IL7: variants seen among roughly 807,000 people sequenced by gnomAD.
IL7 encodes interleukin-7.
Under a neutral mutation model 21.6 loss-of-function variants are expected in IL7, and 3 were observed. The ratio of observed to expected loss-of-function variants is 0.14; its 90% CI spans 0.06 to 0.36. IL7 has a LOEUF of 0.36. Ranked by LOEUF, IL7 falls within the 10% of genes least tolerant of loss-of-function variation. IL7 has a pLI of 1.00. For synonymous variants in IL7, 62 were observed against 68.1 expected (o/e 0.91, Z 0.44); for missense variants, 175 against 200.2 (o/e 0.87, Z 0.76).
chr8:78,680,800 C>T (rs1360724402), intron 4 of IL7, among the ~76,000 whole-genome samples: 1 of 152,138 alleles, frequency 6.6e-6, no homozygotes, highest in Non-Finnish European at 1.5e-5. Flanking sequence ...GGGGTTTCCT[C>T]ATCTTAAAAG....
At chr8:78,760,109 T>A in intron 2 of IL7, 1 of 1,490,772 alleles carries the variant, frequency 6.7e-7, no homozygotes, top group Non-Finnish European at 8.9e-7. Flanking sequence ...CTTCCAAATA[T>A]CAAATATAAG....
chr8:78,769,032 C>T (rs1586087468), intron 2 of IL7, among the ~76,000 whole-genome samples: 1 of 152,236 alleles, frequency 6.6e-6, no homozygotes, highest in East Asian at 1.9e-4. Context: ...TGGGACGTAT[C>T]TCAAAATCAT....
At chr8:78,682,739 A>T (rs1306014761) in intron 4 of IL7, among the ~76,000 whole-genome samples, 1 of 152,178 alleles carries the variant, frequency 6.6e-6, no homozygotes, top group African/African-American at 2.4e-5. Context: ...CCAAAGTCTT[A>T]ACTCATTTCA....
chr8:78,772,400 T>C (rs563780023), intron 2 of IL7, among the ~76,000 whole-genome samples: 41 of 152,304 alleles, frequency 2.7e-4, no homozygotes, highest in Middle Eastern at 3.4e-3. Context: ...AAAAAAAATA[T>C]TGAATGTATA....
rs1388809924 is a variant in IL7 at position 78,738,555 on chromosome 8, G to A, written c.309C>T (p.His103=). 3 of 1,613,364 alleles carry A rather than the reference G, an allele frequency of 1.9e-6. No individual in the cohort carries two copies. The highest frequency in any genetic ancestry group is 2.5e-6 in the Non-Finnish European group (3 of 1,179,458). ...KMNSTGDFDL[H]LLKVSEGTTI... ...TTGTGCCTTCTGAAACTTTTAATAAGTGGAGATCAAAATCACCAGTGCTAT... is the reference window on the plus strand; with the variant it reads ...TTGTGCCTTCTGAAACTTTTAATAAATGGAGATCAAAATCACCAGTGCTAT... Residue 103 remains histidine (H), a synonymous_variant, in exon 4 of 6, where the codon CAC becomes CAT. Transcript: ENST00000263851.
chr8:78,712,456 A>G (rs1401109123), intron 3 of IL7, among the ~76,000 whole-genome samples: 1 of 152,132 alleles, frequency 6.6e-6, no homozygotes, highest in East Asian at 1.9e-4. Context: ...GAGAAAAATA[A>G]TGTCTTGTAC....
chr8:78,683,409 G>A (rs1006708894), intron 4 of IL7, among the ~76,000 whole-genome samples: 3 of 152,148 alleles, frequency 2.0e-5, no homozygotes, highest in African/African-American at 7.2e-5. Flanking sequence ...TGCACCTGTG[G>A]GCTCAACACC....
intron 2 of IL7, among the ~76,000 whole-genome samples, chr8:78,777,257 C>A (rs572492044): frequency 6.6e-6 from 1 of 152,046 alleles, no homozygotes; most frequent in East Asian, 1.9e-4. Flanking sequence ...CTATTCAGGC[C>A]TGGGAGTATT....
intron 3 of IL7, among the ~76,000 whole-genome samples, chr8:78,700,310 G>T (rs941074658): frequency 6.6e-6 from 1 of 151,930 alleles, no homozygotes; most frequent in African/African-American, 2.4e-5. Context: ...TTTTTAATGG[G>T]ATTGTTTGTT....
chr8:78,736,808 C>A (rs971088168), intron 4 of IL7, among the ~76,000 whole-genome samples: 11 of 152,136 alleles, frequency 7.2e-5, no homozygotes, highest in African/African-American at 2.4e-4. Flanking sequence ...GAAAAATTAA[C>A]ATAGTAGGGT....
intron 1 of IL7, among the ~76,000 whole-genome samples, chr8:78,799,449 C>T (rs1279235653): frequency 6.6e-6 from 1 of 152,080 alleles, no homozygotes; most frequent in Admixed American, 6.6e-5. Flanking sequence ...AATCTAACTT[C>T]TCATCTGCAT....
Position 78,684,161 on chromosome 8 carries a change from C to T in IL7, n.273+1728G>A, listed in dbSNP as rs531424719. On this transcript the variant is annotated intron_variant and non_coding_transcript_variant, in intron 4 of 4. Transcript: ENST00000523959. ...TACACATTTTGGGGTATCTTAATAG[C>T]AGTACCCCACTCCACCAGTACCAAC... Among the ~76,000 whole-genome samples, 9 of 152,316 alleles carry T rather than the reference C, an allele frequency of 5.9e-5. No individual in the cohort carries two copies. In the South Asian group the frequency reaches 1.9e-3, roughly 32 times the overall value.
intron 3 of IL7, among the ~76,000 whole-genome samples, chr8:78,708,946 A>C (rs1190664894): frequency 6.6e-6 from 1 of 152,134 alleles, no homozygotes; most frequent in Non-Finnish European, 1.5e-5. Context: ...GATTACAGGC[A>C]TGAGCCACCA....
intron 2 of IL7, among the ~76,000 whole-genome samples, chr8:78,744,613 C>T (rs192335875): frequency 3.3e-5 from 5 of 152,296 alleles, no homozygotes; most frequent in Non-Finnish European, 5.9e-5. Context: ...CGCTGCTTGG[C>T]CCACTGGATT....
At chr8:78,696,892 G>A (rs1433610556) in intron 3 of IL7, among the ~76,000 whole-genome samples, 1 of 152,140 alleles carries the variant, frequency 6.6e-6, no homozygotes, top group Middle Eastern at 3.2e-3. Flanking sequence ...CACCATAGCT[G>A]TTTCTAAGTT....
chr8:78,738,943 A>C (rs1811685101), intron 3 of IL7, among the ~76,000 whole-genome samples: 1 of 152,218 alleles, frequency 6.6e-6, no homozygotes, highest in South Asian at 2.1e-4. Context: ...ATTCAATTTT[A>C]AACATGATAA....
downstream of IL7, among the ~76,000 whole-genome samples, chr8:78,716,972 T>C (rs944647227): frequency 6.6e-6 from 1 of 152,116 alleles, no homozygotes; most frequent in Admixed American, 6.5e-5. Flanking sequence ...TCCTGAGGCC[T>C]CCCCAACCAA....
intron 3 of IL7, among the ~76,000 whole-genome samples, chr8:78,722,478 CTA>C (rs1811258754): frequency 1.3e-5 from 2 of 151,852 alleles, no homozygotes; most frequent in African/African-American, 4.8e-5. Context: ...TGTAAGAAAA[CTA>C]TTTTTCTTAT....
At chr8:78,779,519 G>C (rs1813246913) in intron 2 of IL7, among the ~76,000 whole-genome samples, 1 of 152,122 alleles carries the variant, frequency 6.6e-6, no homozygotes, top group Non-Finnish European at 1.5e-5. Context: ...CTTTAGTTCA[G>C]TTTATGTGAT....
Sources: gnomAD v4.1 joint callset for allele counts (sites outside exome capture counted in the v4.1 genomes callset) on GRCh38, gnomAD v4.1.1 for gene constraint, MANE v1.5 for transcripts, NCBI Gene and HGNC (gene_info 2026-07-23, HGNC 2026-07-21) for gene names.